PSMG2: variants seen among roughly 807,000 people sequenced by gnomAD.
PSMG2 encodes CD40 ligand-activated specific transcript 3.
PSMG2 carries 21 observed loss-of-function variants against 31.5 expected under a neutral mutation model. That is an observed-to-expected ratio of 0.67 (90% confidence interval 0.47 to 0.96). The LOEUF (loss-of-function observed/expected upper bound fraction) is 0.96. PSMG2 is among the 40% of genes least tolerant of loss of function. The pLI is 0.00. For missense variants in PSMG2, 318 were observed against 321.2 expected, an observed-to-expected ratio of 0.99 and a Z score of 0.08; for synonymous variants, 120 against 110.4, an observed-to-expected ratio of 1.09 and a Z score of -0.54.
intron 1 of PSMG2, among the ~76,000 whole-genome samples, chr18:12,681,256 A>ATTTTT (rs34816720): frequency 8.7e-6 from 1 of 115,392 alleles, no homozygotes; most frequent in Non-Finnish European, 1.7e-5. Flanking sequence ...AAAGTAGAAC[A>ATTTTT]TTTTTTTTTT....
intron 1 of PSMG2, among the ~76,000 whole-genome samples, chr18:12,690,536 A>C (rs1305834581): frequency 2.6e-5 from 4 of 151,944 alleles, no homozygotes; most frequent in South Asian, 2.1e-4. Context: ...GCTCACTGCA[A>C]GCTCCGCCTC....
chr18:12,703,628 T>C (rs2040225554), intron 1 of PSMG2, among the ~76,000 whole-genome samples: 1 of 152,232 alleles, frequency 6.6e-6, no homozygotes, highest in Non-Finnish European at 1.5e-5. Flanking sequence ...TAATAAAGTC[T>C]GTTATGTGCG....
intron 1 of PSMG2, chr18:12,674,441 T>TA (rs34769779): frequency 0.015 from 10,953 of 714,448 alleles, 5 homozygotes; most frequent in Middle Eastern, 0.028. Context: ...GACCTTGAGT[T>TA]AAAAAAAAAA....
At chr18:12,701,906 G>A (rs957392252), upstream of PSMG2, among the ~76,000 whole-genome samples, 3 of 152,116 alleles carry the variant, frequency 2.0e-5, no homozygotes, top group Non-Finnish European at 2.9e-5. Flanking sequence ...CGAGGCGGCC[G>A]GATCACGAAG....
chr18:12,717,073 C>T (rs916908107), intron 3 of PSMG2, among the ~76,000 whole-genome samples: 7 of 151,256 alleles, frequency 4.6e-5, no homozygotes, highest in Non-Finnish European at 7.4e-5. Flanking sequence ...CCTCAGCCTC[C>T]TGAGTACCTG....
chr18:12,663,300 C>T (rs2038736475), intron 1 of PSMG2, among the ~76,000 whole-genome samples: 1 of 152,162 alleles, frequency 6.6e-6, no homozygotes, highest in Non-Finnish European at 1.5e-5. Context: ...TTCTTTGAGA[C>T]AGGCTCTTGA....
chr18:12,702,750 T>A, upstream of PSMG2: 1 of 605,542 alleles, frequency 1.7e-6, no homozygotes, highest in South Asian at 2.1e-5. Context: ...CGGCGCCAAC[T>A]GTTTTCAAAC....
chr18:12,710,125 A>G (rs892294767), intron 2 of PSMG2, among the ~76,000 whole-genome samples: 1 of 151,460 alleles, frequency 6.6e-6, no homozygotes, highest in Non-Finnish European at 1.5e-5. Context: ...TTGTATTTTT[A>G]GTAAGACGGG....
At chr18:12,671,912 C>G (rs187597601) in intron 1 of PSMG2, among the ~76,000 whole-genome samples, 2 of 152,072 alleles carry the variant, frequency 1.3e-5, no homozygotes, top group Non-Finnish European at 2.9e-5. Context: ...CCTCCGCCTC[C>G]CAGGTTCAAG....
chr18:12,720,398 A>G (rs748650216), intron 4 of PSMG2, 112 bp from the exon 5 acceptor site: 1 of 831,588 alleles, frequency 1.2e-6, no homozygotes, highest in Non-Finnish European at 1.8e-6. Flanking sequence ...AAGTCTGCTG[A>G]AACTTGTGTT....
chr18:12,685,978 AC>A, intron 1 of PSMG2: 1 of 247,792 alleles, frequency 4.0e-6, no homozygotes, highest in Non-Finnish European at 7.8e-6. Context: ...CCTCCTATAT[AC>A]TTTAAATCAC....
At chr18:12,695,315 A>G (rs2048267517) in intron 1 of PSMG2, 2 of 1,568,590 alleles carry the variant, frequency 1.3e-6, no homozygotes, top group Non-Finnish European at 1.7e-6. Flanking sequence ...TTCAAGTTTT[A>G]TATTTAAAAT....
At chr18:12,697,277 C>G (rs765259658) in intron 1 of PSMG2, 3 of 1,614,052 alleles carry the variant, frequency 1.9e-6, no homozygotes, top group Non-Finnish European at 2.5e-6. Context: ...GAGCCCAAAA[C>G]CGATCGCCAT....
intron 1 of PSMG2, among the ~76,000 whole-genome samples, chr18:12,692,506 G>A (rs942150476): frequency 6.6e-6 from 1 of 152,176 alleles, no homozygotes; most frequent in African/African-American, 2.4e-5. Context: ...GCTGTTCCCA[G>A]TGCTGGAAGC....
At chr18:12,707,007 GT>G (rs1375890674) in intron 2 of PSMG2, among the ~76,000 whole-genome samples, 1 of 151,940 alleles carries the variant, frequency 6.6e-6, no homozygotes, top group Non-Finnish European at 1.5e-5. Flanking sequence ...CCAGGCTGGA[GT>G]GCAGTGACGC....
chr18:12,720,793 CTG>C, intron 5 of PSMG2, 110 bp downstream of exon 5: 2 of 1,078,460 alleles, frequency 1.9e-6, no homozygotes, highest in Non-Finnish European at 2.6e-6. Flanking sequence ...GAGCAAGACT[CTG>C]TCTCAAACAA....
At chr18:12,714,212 C>T (rs1400983086) in intron 3 of PSMG2, among the ~76,000 whole-genome samples, 1 of 152,174 alleles carries the variant, frequency 6.6e-6, no homozygotes, top group Non-Finnish European at 1.5e-5. Context: ...AATTCAGTTC[C>T]TCACGTTCCA....
intron 1 of PSMG2, chr18:12,691,378 A>G: frequency 6.3e-7 from 1 of 1,580,232 alleles, no homozygotes; most frequent in Non-Finnish European, 8.6e-7. Context: ...AATCTTAACC[A>G]GTCGTGAGTT....
intron 1 of PSMG2, among the ~76,000 whole-genome samples, chr18:12,662,762 G>A (rs2038721218): frequency 6.6e-6 from 1 of 152,190 alleles, no homozygotes; most frequent in South Asian, 2.1e-4. Flanking sequence ...GGGCGATAGA[G>A]TGAGACCTTG....
Sources: allele counts gnomAD v4.1 joint callset (sites outside exome capture counted in the v4.1 genomes callset), GRCh38; gene constraint gnomAD v4.1.1; transcripts MANE v1.5; gene names NCBI Gene and HGNC (gene_info 2026-07-23, HGNC 2026-07-21).